Variants in NCBP2L observed in about 807,000 individuals in gnomAD.
NCBP2L encodes nuclear cap binding protein subunit 2 like, also known as nuclear cap-binding protein subunit 2-like.
For missense variants in NCBP2L, 95 were observed against 53.1 expected, an observed-to-expected ratio of 1.79 and a Z score of -2.45; for synonymous variants, 39 against 19.2, an observed-to-expected ratio of 2.04 and a Z score of -2.70.
chrX:107,782,811 A>G (rs1023265270), intron 1 of NCBP2L, among the ~76,000 whole-genome samples: 2 of 99,172 alleles, frequency 2.0e-5, no homozygotes, highest in African/African-American at 8.3e-5. Context: ...GCTAAATAAT[A>G]TTTTATTTTA....
At chrX:107,791,209 T>C (rs1930447466) in intron 1 of NCBP2L, among the ~76,000 whole-genome samples, 1 of 111,695 alleles carries the variant, frequency 9.0e-6, no homozygotes, top group African/African-American at 3.3e-5. Flanking sequence ...ATCTGTCCTT[T>C]TGCCACGTGT....
chrX:107,779,986 C>T (rs1004873420), intron 1 of NCBP2L, among the ~76,000 whole-genome samples: 5 of 108,431 alleles, frequency 4.6e-5, no homozygotes, highest in Non-Finnish European at 9.6e-5. Flanking sequence ...CCTCGTGATC[C>T]GCCCGTCTCG....
intron 1 of NCBP2L, among the ~76,000 whole-genome samples, chrX:107,791,324 T>C (rs1316074509): frequency 9.0e-6 from 1 of 111,103 alleles, no homozygotes; most frequent in Non-Finnish European, 1.9e-5. Flanking sequence ...ATGGCTCACT[T>C]CAGCCTCGAT....
In NCBP2L at chrX:107,794,831, CA is replaced by C. The variant is rs892771487; in HGVS notation, c.*157del. On this transcript the variant is annotated 3_prime_UTR_variant, in exon 2 of 2. Transcript: ENST00000509000. Reference sequence around the variant, plus strand: ...CTGAAAATTTGTTAAATAGCAGAAACAAAAAAAATCCATTTGTTTTTGTCTG... The same window carrying C: ...CTGAAAATTTGTTAAATAGCAGAAACAAAAAAATCCATTTGTTTTTGTCTG... 11 of 388,131 alleles carry C rather than the reference CA, an allele frequency of 2.8e-5. No homozygotes were observed. The highest frequency in any genetic ancestry group is 7.7e-5 in the African/African-American group (3 of 38,809). 32.0% of individuals were successfully genotyped at this position (388,131 alleles called of 1,213,427 possible).
At position 107,794,213 on chromosome X, in the gene NCBP2L, C is replaced by A. The variant is rs758388283; in HGVS notation, c.-8C>A. ...AAACGGCCATCGGCATGCTGCCCAA[C>A]CAGCACCATGTCCAAAGACCTGAAA... is the stretch of plus-strand genomic sequence containing the variant. On this transcript the variant is annotated 5_prime_UTR_variant, in exon 2 of 2. Coordinates refer to ENST00000509000, the MANE Select transcript of NCBP2L (RefSeq NM_001348372.2). 10 of 524,558 alleles carry A rather than the reference C, an allele frequency of 1.9e-5. No homozygotes were observed. The highest frequency in any genetic ancestry group is 6.6e-5 in the East Asian group (2 of 30,380). 43.2% of individuals were successfully genotyped at this position (524,558 alleles called of 1,213,427 possible). A position where few individuals can be genotyped will look rare whatever the true frequency, so the allele number is the denominator to read the frequency against.
rs369565922 is a variant in NCBP2L at position 107,794,641 on chromosome X, C to A, written c.421C>A (p.His141Asn). Residue 141 changes from histidine to asparagine, a missense_variant, in exon 2 of 2, where the codon CAT (histidine) becomes AAT (asparagine). Transcript: ENST00000509000. ...AAGGGATGAGTTTCGTGAAGATTTT[C>A]ATTCTGGTAGAGGAGGCTTTGGAAG... ...QVRDEFREDFHSGRGGFGRQT... is the reference protein window; with the variant it reads ...QVRDEFREDFNSGRGGFGRQT... 196 of 567,503 alleles carry A rather than the reference C, an allele frequency of 3.5e-4. 3 individuals carry two copies. The African/African-American group carries it at 3.6e-3, about 11-fold the overall frequency. 46.8% of individuals were successfully genotyped at this position (567,503 alleles called of 1,213,427 possible).
intron 1 of NCBP2L, among the ~76,000 whole-genome samples, chrX:107,781,692 CTATA>C (rs1212780432): frequency 1.5e-5 from 1 of 66,917 alleles, no homozygotes; most frequent in Non-Finnish European, 2.5e-5. Context: ...CTCTCTCTCT[CTATA>C]TATATATATA....
intron 1 of NCBP2L, among the ~76,000 whole-genome samples, chrX:107,782,300 A>T (rs7889099): frequency 4.9e-5 from 1 of 20,563 alleles, no homozygotes; most frequent in Non-Finnish European, 6.6e-5. Context: ...TATATATATA[A>T]ATATATATAT....
intron 1 of NCBP2L, among the ~76,000 whole-genome samples, chrX:107,784,568 G>A (rs113802644): frequency 0.048 from 5,280 of 109,582 alleles, 336 homozygotes; most frequent in African/African-American, 0.17. Context: ...AACTTTTCCC[G>A]ATAACAATCT....
chrX:107,783,006 T>A lies in NCBP2L; in HGVS notation c.-73+5148T>A, dbSNP rs751167391. 3.6e-3 allele frequency among the ~76,000 whole-genome samples: 393 copies of A among 109,034 alleles called. 6 individuals are homozygous for A. Among genetic ancestry groups the A allele is most frequent in the African/African-American group, 0.013 (379 of 29,932 alleles). 94.7% of individuals were successfully genotyped at this position (109,034 alleles called of 115,157 possible). ...AGAAATTGAATTTTTTTAGAAAAAA[T>A]TAGGAATTCATTTAGAAATTGAAAT... On this transcript the variant is annotated intron_variant, in intron 1 of 1. Transcript: ENST00000509000.
rs376923186 is a variant in NCBP2L at position 107,778,612 on chromosome X, T to C, written c.-73+754T>C. 1.1e-4 allele frequency among the ~76,000 whole-genome samples: 12 copies of C among 112,029 alleles called. No homozygotes were observed. In the East Asian group the frequency reaches 2.2e-3, roughly 21 times the overall value. On this transcript the variant is annotated intron_variant, in intron 1 of 1. Transcript: ENST00000509000. Reference sequence around the variant, plus strand: ...TCTGTGAAGCCTTGCTTTGCTGACATATATTGCGTTGGATGGAGAGACTCC... The same window carrying C: ...TCTGTGAAGCCTTGCTTTGCTGACACATATTGCGTTGGATGGAGAGACTCC...
At position 107,794,391 on chromosome X, in the gene NCBP2L, A is replaced by G; in HGVS notation, c.171A>G (p.Glu57=). ...SFYTTEEKIH[E]LFSRSDIRNI... ...ATACAACCGAAGAGAAAATACATGA[A>G]CTCTTTAGTAGATCTGATATCAGGA... The change falls in exon 2 of 2, where the codon GAA becomes GAG. Residue 57 remains glutamate (E), a synonymous_variant. Coordinates refer to ENST00000509000, the MANE Select transcript of NCBP2L (RefSeq NM_001348372.2). The G allele has an allele frequency of 1.8e-6, 1 of 569,525 alleles. No individual in the cohort carries two copies. The highest frequency in any genetic ancestry group is 2.2e-5 in the South Asian group (1 of 44,958). 46.9% of individuals were successfully genotyped at this position (569,525 alleles called of 1,213,427 possible).
intron 1 of NCBP2L, among the ~76,000 whole-genome samples, chrX:107,784,847 C>T (rs891855600): frequency 2.9e-4 from 31 of 105,666 alleles, no homozygotes; most frequent in African/African-American, 1.0e-3. Flanking sequence ...GGTGTGGTGG[C>T]ATGCACCTGT....
rs1930205977 is a variant in NCBP2L, at chrX:107,777,824, C to G, written c.-107C>G. The G allele has an allele frequency of 2.7e-5, 3 of 111,425 alleles. No individual in the cohort carries two copies. In the Admixed American group the frequency reaches 2.9e-4, roughly 11 times the overall value. The allele number at this position is 111,425 out of a possible 1,213,427, so 9.2% of individuals were successfully genotyped here. ...GCTGTAGCAGCCGGAAAGCCAAAAA[C>G]AAGCCGTACTTCTCGCTCTTGACAG... On this transcript the variant is annotated 5_prime_UTR_variant, in exon 1 of 2. Transcript: ENST00000509000.
intron 1 of NCBP2L, among the ~76,000 whole-genome samples, chrX:107,779,738 ATTTTTTTT>A (rs60997776): frequency 2.2e-4 from 8 of 36,649 alleles, no homozygotes; most frequent in Non-Finnish European, 4.0e-4. Context: ...TATCCCCTGA[ATTTTTTTT>A]TTTTTTTTTT....
intron 1 of NCBP2L, among the ~76,000 whole-genome samples, chrX:107,788,357 T>C (rs1160064643): frequency 8.9e-6 from 1 of 112,558 alleles, no homozygotes; most frequent in Non-Finnish European, 1.9e-5. Flanking sequence ...TAAAAAAGAA[T>C]TGTAATCTTC....
intron 1 of NCBP2L, among the ~76,000 whole-genome samples, chrX:107,793,519 G>A (rs73636319): frequency 0.035 from 3,893 of 111,818 alleles, 186 homozygotes; most frequent in African/African-American, 0.12. Context: ...AAATTGTCTA[G>A]AAAGGTTAAT....
chrX:107,781,656 A>ATCTC (rs1930274219), intron 1 of NCBP2L, among the ~76,000 whole-genome samples: 1 of 64,177 alleles, frequency 1.6e-5, no homozygotes, highest in African/African-American at 1.1e-4. Context: ...TCTATCATCT[A>ATCTC]TCTATCTATC....
At chrX:107,793,525 T>C (rs1017795785) in intron 1 of NCBP2L, among the ~76,000 whole-genome samples, 13 of 111,998 alleles carry the variant, frequency 1.2e-4, no homozygotes, top group Non-Finnish European at 2.3e-4. Context: ...TCTAGAAAGG[T>C]TAATTACTAT....
Sources: gnomAD v4.1 joint callset for allele counts (sites outside exome capture counted in the v4.1 genomes callset) on GRCh38, gnomAD v4.1.1 for gene constraint, MANE v1.5 for transcripts, NCBI Gene and HGNC (gene_info 2026-07-23, HGNC 2026-07-21) for gene names.